The following SV2C variants were observed in gnomAD, a reference collection of about 807,000 sequenced individuals.
SV2C encodes the protein synaptic vesicle glycoprotein 2C.
A neutral mutation model predicts 79.7 loss-of-function variants in SV2C; 49 were observed. That is an observed-to-expected ratio of 0.61 (90% CI 0.49 to 0.78). The LOEUF (loss-of-function observed/expected upper bound fraction) is 0.78. SV2C is among the 30% of genes least tolerant of loss of function. SV2C has a pLI of 0.00. For synonymous variants in SV2C, 334 were observed against 333.2 expected, an observed-to-expected ratio of 1.00 and a Z score of -0.03; for missense variants, 833 against 912.9, an observed-to-expected ratio of 0.91 and a Z score of 1.13.
Position 76,277,953 on chromosome 5 carries a change from A to G in SV2C, c.914-7209A>G, listed in dbSNP as rs577787777. ...GAAACTGTTCTGTGCCCTGATAATG[A>G]TGGTGGTTACATGACTCTGCATTTG... On this transcript the variant is annotated intron_variant, in intron 4 of 12. Transcript: ENST00000502798. Among the ~76,000 whole-genome samples the G allele has an allele frequency of 1.4e-4, 22 of 152,316 alleles. No individual in the cohort carries two copies. In the South Asian group the frequency reaches 4.6e-3, roughly 32 times the overall value.
At chr5:75,878,204 T>C in the SV2C span, among the ~76,000 whole-genome samples, 53,279 of 151,998 alleles carry the variant, frequency 0.35, 12,511 homozygotes, top group African/African-American at 0.68. Context: ...ATAGTTGATA[T>C]GAATACCAAT....
At chr5:76,178,973 C>T (rs1205564673) in intron 2 of SV2C, among the ~76,000 whole-genome samples, 1 of 152,158 alleles carries the variant, frequency 6.6e-6, no homozygotes, top group Non-Finnish European at 1.5e-5. Context: ...CAAAATGTGC[C>T]TACAATAGTG....
intron 1 of SV2C, among the ~76,000 whole-genome samples, chr5:76,109,849 T>A (rs1035300787): frequency 6.6e-6 from 1 of 152,224 alleles, no homozygotes; most frequent in Non-Finnish European, 1.5e-5. Context: ...ACAATCTATT[T>A]CTATTGTTTT....
the SV2C span, among the ~76,000 whole-genome samples, chr5:76,036,230 T>C: frequency 6.6e-6 from 1 of 152,012 alleles, no homozygotes; most frequent in Non-Finnish European, 1.5e-5. Context: ...AATTGGAGCA[T>C]TTAGTCCATT....
the SV2C span, among the ~76,000 whole-genome samples, chr5:76,037,501 G>A: frequency 2.0e-5 from 3 of 152,140 alleles, no homozygotes; most frequent in East Asian, 1.9e-4. Context: ...TGGAGTACCC[G>A]GCCGTGTGAG....
At chr5:76,090,799 G>A (rs944740022) in intron 1 of SV2C, among the ~76,000 whole-genome samples, 8 of 152,022 alleles carry the variant, frequency 5.3e-5, no homozygotes, top group African/African-American at 4.8e-5. Flanking sequence ...AACTTTGGGG[G>A]GCTAAAATTT....
At chr5:76,194,672 T>C (rs1463269515) in intron 2 of SV2C, among the ~76,000 whole-genome samples, 1 of 152,368 alleles carries the variant, frequency 6.6e-6, no homozygotes, top group South Asian at 2.1e-4. Context: ...CTGAGTGTAC[T>C]CAGCTATCTG....
the SV2C span, among the ~76,000 whole-genome samples, chr5:75,978,230 T>G: frequency 1.3e-5 from 2 of 152,220 alleles, no homozygotes; most frequent in Admixed American, 1.3e-4. Context: ...GAGTGATTTC[T>G]TAGGCTATGC....
At chr5:75,979,391 A>G in the SV2C span, among the ~76,000 whole-genome samples, 2 of 151,952 alleles carry the variant, frequency 1.3e-5, no homozygotes, top group South Asian at 2.1e-4. Flanking sequence ...CCTGATGCCT[A>G]CAGAATTCTC....
the SV2C span, among the ~76,000 whole-genome samples, chr5:75,863,222 A>G: frequency 0.15 from 22,301 of 152,180 alleles, 1,785 homozygotes; most frequent in African/African-American, 0.21. Context: ...GGCTTGGGAA[A>G]AGATACGCTG....
the SV2C span, among the ~76,000 whole-genome samples, chr5:75,977,617 C>T: frequency 6.6e-6 from 1 of 152,188 alleles, no homozygotes; most frequent in African/African-American, 2.4e-5. Flanking sequence ...CAAAGAAGAG[C>T]CTTCTCCTCA....
At chr5:76,188,494 T>C (rs1743990750) in intron 2 of SV2C, among the ~76,000 whole-genome samples, 1 of 152,184 alleles carries the variant, frequency 6.6e-6, no homozygotes, top group Non-Finnish European at 1.5e-5. Context: ...GAGCCCAGGC[T>C]CTTAACTATT....
intron 1 of SV2C, among the ~76,000 whole-genome samples, chr5:76,127,481 A>C (rs1748746348): frequency 6.6e-6 from 1 of 152,244 alleles, no homozygotes; most frequent in Non-Finnish European, 1.5e-5. Flanking sequence ...TTGGTTTAAC[A>C]GCCGCTTCTA....
intron 1 of SV2C, among the ~76,000 whole-genome samples, chr5:76,129,163 G>A (rs1748801774): frequency 6.6e-6 from 1 of 152,168 alleles, no homozygotes; most frequent in Admixed American, 6.5e-5. Flanking sequence ...CAGTTGTAAG[G>A]AATGATTCAG....
At chr5:75,939,974 C>T in the SV2C span, among the ~76,000 whole-genome samples, 59 of 152,286 alleles carry the variant, frequency 3.9e-4, no homozygotes, top group Non-Finnish European at 6.8e-4. Context: ...GATCTCCTTC[C>T]ATCGTCCTGA....
chr5:76,069,087 A>G, the SV2C span, among the ~76,000 whole-genome samples: 5 of 152,222 alleles, frequency 3.3e-5, no homozygotes, highest in Non-Finnish European at 5.9e-5. Flanking sequence ...GATGCATTGC[A>G]TGGTCTTCAG....
At chr5:75,995,012 C>T in the SV2C span, among the ~76,000 whole-genome samples, 3 of 152,094 alleles carry the variant, frequency 2.0e-5, no homozygotes, top group Non-Finnish European at 4.4e-5. Flanking sequence ...TCAGGAGCTC[C>T]CATGTCTGAG....
At chr5:76,015,535 T>C in the SV2C span, among the ~76,000 whole-genome samples, 110 of 152,248 alleles carry the variant, frequency 7.2e-4, no homozygotes, top group South Asian at 1.7e-3. Context: ...AACATTACAA[T>C]GGCCAATAAA....
chr5:76,102,192 A>G (rs1157031456), intron 1 of SV2C, among the ~76,000 whole-genome samples: 2 of 152,244 alleles, frequency 1.3e-5, no homozygotes, highest in Admixed American at 1.3e-4. Context: ...TTCTTCCCTT[A>G]ATATAAATTA....
Sources: allele counts gnomAD v4.1 joint callset (sites outside exome capture counted in the v4.1 genomes callset), GRCh38; gene constraint gnomAD v4.1.1; transcripts MANE v1.5; gene names NCBI Gene and HGNC (gene_info 2026-07-23, HGNC 2026-07-21).